Variants in FRK observed in about 807,000 individuals in gnomAD.
FRK encodes fyn related Src family tyrosine kinase, also known as tyrosine-protein kinase FRK.
Under a neutral mutation model 56.4 loss-of-function variants are expected in FRK, and 51 were observed. That is an observed-to-expected ratio of 0.90 (90% CI 0.72 to 1.14). The LOEUF (loss-of-function observed/expected upper bound fraction) is 1.14. Among genes scored for constraint, FRK ranks in the 50% most tolerant of loss-of-function variants. The pLI is 0.00. For missense variants in FRK, 570 were observed against 601.4 expected (o/e 0.95, Z 0.55); for synonymous variants, 245 against 217.9 (o/e 1.12, Z -1.10).
At chr6:116,036,696 G>C (rs570464852) in intron 1 of FRK, among the ~76,000 whole-genome samples, 1 of 152,056 alleles carries the variant, frequency 6.6e-6, no homozygotes, top group Non-Finnish European at 1.5e-5. Flanking sequence ...AAACAAGGTG[G>C]TAATATTCTT....
chr6:116,094,259 A>T, the FRK span, among the ~76,000 whole-genome samples: 1 of 152,234 alleles, frequency 6.6e-6, no homozygotes, highest in East Asian at 1.9e-4. Flanking sequence ...AGATGATCCA[A>T]TAACAGGACT....
chr6:115,959,918 C>A (rs1030728404), intron 4 of FRK, among the ~76,000 whole-genome samples: 1 of 151,994 alleles, frequency 6.6e-6, no homozygotes, highest in African/African-American at 2.4e-5. Flanking sequence ...GTTCGTGGAA[C>A]CCTTAGTGTC....
chr6:116,096,565 T>C, the FRK span, among the ~76,000 whole-genome samples: 2 of 151,956 alleles, frequency 1.3e-5, no homozygotes, highest in Non-Finnish European at 2.9e-5. Flanking sequence ...AATGTGCCAA[T>C]CAGCACTCTG....
At chr6:116,092,647 A>G in the FRK span, among the ~76,000 whole-genome samples, 2 of 152,158 alleles carry the variant, frequency 1.3e-5, no homozygotes, top group Non-Finnish European at 2.9e-5. Context: ...GTCAGTGAGC[A>G]CAACTATTCT....
chr6:115,946,978 A>G (rs1269960243), intron 5 of FRK, among the ~76,000 whole-genome samples: 3 of 152,114 alleles, frequency 2.0e-5, no homozygotes, highest in Admixed American at 6.6e-5. Flanking sequence ...AGTGGAGGGC[A>G]TGGGGACAGA....
At chr6:115,993,717 A>G (rs1774710867) in intron 2 of FRK, among the ~76,000 whole-genome samples, 1 of 152,002 alleles carries the variant, frequency 6.6e-6, no homozygotes, top group Non-Finnish European at 1.5e-5. Context: ...TACATATTTA[A>G]CTATTGCTTG....
chr6:115,999,451 C>T (rs1466223341), intron 2 of FRK, among the ~76,000 whole-genome samples: 3 of 152,146 alleles, frequency 2.0e-5, no homozygotes, highest in Non-Finnish European at 2.9e-5. Context: ...ATCACAACAA[C>T]CCAATTAGCA....
At chr6:116,090,901 C>G in the FRK span, among the ~76,000 whole-genome samples, 1 of 152,222 alleles carries the variant, frequency 6.6e-6, no homozygotes, top group Non-Finnish European at 1.5e-5. Context: ...TATCATATAT[C>G]ATTAAAGTTG....
intron 1 of FRK, among the ~76,000 whole-genome samples, chr6:116,012,268 G>A (rs982231931): frequency 6.6e-6 from 1 of 152,062 alleles, no homozygotes; most frequent in Non-Finnish European, 1.5e-5. Context: ...TTTGCTTATG[G>A]AGTAAAACCT....
At chr6:116,022,998 T>A (rs993039326) in intron 1 of FRK, among the ~76,000 whole-genome samples, 1 of 152,022 alleles carries the variant, frequency 6.6e-6, no homozygotes, top group East Asian at 1.9e-4. Flanking sequence ...GGCAGAAGAC[T>A]TAAAGAGACA....
intron 2 of FRK, among the ~76,000 whole-genome samples, chr6:115,985,116 T>G (rs2114647306): frequency 6.6e-6 from 1 of 152,198 alleles, no homozygotes; most frequent in East Asian, 1.9e-4. Context: ...TAATTCATCT[T>G]CTCTAAGCCT....
chr6:115,937,710 A>G lies in FRK; in HGVS notation c.*4704T>C, dbSNP rs1200279160. On this transcript the variant is annotated 3_prime_UTR_variant, in exon 8 of 8. Transcript: ENST00000606080. The stretch of plus-strand genomic sequence containing the variant: ...TGATAAAACAGACTTTAAATCAACA[A>G]AGATCAAAAGAGACAAAGAAGGGCA... 1 of 152,224 alleles carries G rather than the reference A, an allele frequency of 6.6e-6. No individual in the cohort carries two copies. Among genetic ancestry groups the G allele is most frequent in the Non-Finnish European group, 1.5e-5 (1 of 68,038 alleles). 9.4% of individuals were successfully genotyped at this position (152,224 alleles called of 1,614,324 possible).
Position 115,952,978 on chromosome 6 carries a change from C to T in FRK, c.958+3474G>A, listed in dbSNP as rs538929463. On this transcript the variant is annotated intron_variant, in intron 5 of 7. Transcript: ENST00000606080. ...GGGAGATATACCTAACGCTAAATGA[C>T]GAGTTAATGGATGCAGCACACCAGC... 1.3e-3 allele frequency among the ~76,000 whole-genome samples: 189 copies of T among 150,516 alleles called. 1 individual carries two copies. The highest frequency in any genetic ancestry group is 4.5e-3 in the African/African-American group (184 of 40,880).
chr6:115,976,516 C>T (rs1341698606), intron 2 of FRK, among the ~76,000 whole-genome samples: 1 of 152,094 alleles, frequency 6.6e-6, no homozygotes, highest in Non-Finnish European at 1.5e-5. Context: ...TACAGAAAAA[C>T]AAATGGTTGA....
chr6:115,956,230 G>C (rs1772984170), intron 5 of FRK, among the ~76,000 whole-genome samples: 1 of 152,088 alleles, frequency 6.6e-6, no homozygotes, highest in South Asian at 2.1e-4. Flanking sequence ...TATCTGTTGT[G>C]AATAATTTTC....
the FRK span, among the ~76,000 whole-genome samples, chr6:116,074,513 G>A: frequency 6.6e-6 from 1 of 152,066 alleles, no homozygotes; most frequent in African/African-American, 2.4e-5. Flanking sequence ...TTAAATTTGA[G>A]CAAACACTTT....
the FRK span, among the ~76,000 whole-genome samples, chr6:116,099,729 T>C: frequency 6.6e-6 from 1 of 152,242 alleles, no homozygotes; most frequent in East Asian, 1.9e-4. Flanking sequence ...CTCTGATTGG[T>C]CTATTAGCCT....
intron 2 of FRK, among the ~76,000 whole-genome samples, chr6:115,990,440 G>T (rs192213636): frequency 6.6e-6 from 1 of 151,612 alleles, no homozygotes; most frequent in East Asian, 1.9e-4. Flanking sequence ...ATCCATCTTG[G>T]GTTAATTTTT....
chr6:115,995,672 G>A (rs763618897), intron 2 of FRK, among the ~76,000 whole-genome samples: 31 of 152,214 alleles, frequency 2.0e-4, no homozygotes, highest in South Asian at 8.3e-4. Flanking sequence ...TTTTCAGTAA[G>A]ATAAAAGATT....
Sources: allele counts gnomAD v4.1 joint callset (sites outside exome capture counted in the v4.1 genomes callset), GRCh38; gene constraint gnomAD v4.1.1; transcripts MANE v1.5; gene names NCBI Gene and HGNC (gene_info 2026-07-23, HGNC 2026-07-21).